Variants in SLC35A5 observed in about 807,000 individuals in gnomAD.
SLC35A5 encodes UDP-sugar transporter protein SLC35A5.
Under a neutral mutation model 36.3 loss-of-function variants are expected in SLC35A5, and 28 were observed. The observed-to-expected ratio is 0.77, with a 90% CI of 0.57 to 1.06. The LOEUF (loss-of-function observed/expected upper bound fraction) is 1.06, where lower values mean the gene tolerates loss of function less well. Ranked by LOEUF, SLC35A5 falls within the 50% of genes least tolerant of loss-of-function variation. The probability of loss-of-function intolerance (pLI) is 0.00; values close to 1 mark genes in which losing one functional copy is unlikely to be tolerated. For synonymous variants in SLC35A5, 180 were observed against 173.7 expected (o/e 1.04, Z -0.29); for missense variants, 521 against 499.3 (o/e 1.04, Z -0.41).
chr3:112,569,295 C>G (rs752629787), intron 3 of SLC35A5, 26 bp downstream of exon 3: 2 of 1,570,160 alleles, frequency 1.3e-6, no homozygotes, highest in Admixed American at 1.7e-5. Context: ...GTACTATATA[C>G]TTGTTAATCA....
chr3:112,580,034 A>G (rs1934833010), intron 5 of SLC35A5, among the ~76,000 whole-genome samples: 1 of 152,230 alleles, frequency 6.6e-6, no homozygotes, highest in Non-Finnish European at 1.5e-5. Flanking sequence ...CGATTAGGAC[A>G]TGGATCTAGA....
rs949599253 is a variant in SLC35A5 at position 112,572,164 on chromosome 3, G to C, written c.360+1494G>C. Reference sequence around the variant, plus strand: ...TCACCTTGTTAGCCAGGATGGTCTCGATCTCCTGACCTCATGATCCACCCG... The same window carrying C: ...TCACCTTGTTAGCCAGGATGGTCTCCATCTCCTGACCTCATGATCCACCCG... On this transcript the variant is annotated intron_variant, in intron 4 of 6. Transcript: ENST00000492406. Among the ~76,000 whole-genome samples the C allele has an allele frequency of 2.0e-5, 3 of 149,692 alleles. No individual in the cohort carries two copies. In the South Asian group the frequency reaches 6.4e-4, roughly 32 times the overall value.
rs936226261 is a variant in SLC35A5 at position 112,583,084 on chromosome 3, T to C, written c.*348T>C. The C allele has an allele frequency of 5.0e-5, 20 of 401,034 alleles. No homozygotes were observed. The highest frequency in any genetic ancestry group is 4.1e-4 in the African/African-American group (20 of 48,638). The allele number at this position is 401,034 out of a possible 1,614,324, so 24.8% of individuals were successfully genotyped here. ...CTTGTATATACACATAGAGATCAAT[T>C]TGCCAAATATTCACAATCATGTAGT... On this transcript the variant is annotated 3_prime_UTR_variant, in exon 7 of 7. Transcript: ENST00000492406.
chr3:112,580,513 A>C (rs748943736), intron 5 of SLC35A5, 33 bp from the exon 6 acceptor site: 25 of 1,553,156 alleles, frequency 1.6e-5, no homozygotes, highest in Admixed American at 1.0e-4. Flanking sequence ...GGGGGAAAAC[A>C]GTAGTAAAAT....
intron 5 of SLC35A5, among the ~76,000 whole-genome samples, chr3:112,579,135 A>C (rs1934785658): frequency 6.6e-6 from 1 of 152,208 alleles, no homozygotes. Context: ...ATATGCACAC[A>C]ACTTCCTATA....
Position 112,583,353 on chromosome 3 carries a change from A to C in SLC35A5, c.*617A>C, listed in dbSNP as rs1199490033. On this transcript the variant is annotated 3_prime_UTR_variant, in exon 7 of 7. Transcript: ENST00000492406. ...ACATCTCAGAATTTTAATTTTTAGA[A>C]ATTCATGGGAAATTGGATTTTTGTA... is the stretch of plus-strand genomic sequence containing the variant. 3 of 382,430 alleles carry C rather than the reference A, an allele frequency of 7.8e-6. No individual in the cohort carries two copies. Among genetic ancestry groups the C allele is most frequent in the Non-Finnish European group, 1.4e-5 (3 of 215,954 alleles). The allele number at this position is 382,430 out of a possible 1,614,324, so 23.7% of individuals were successfully genotyped here. A position where few individuals can be genotyped will look rare whatever the true frequency, so the allele number is the denominator to read the frequency against.
In SLC35A5 at chr3:112,581,166, T is replaced by C. The variant is rs527530245; in HGVS notation, c.1049T>C (p.Val350Ala). Reference sequence around the variant, plus strand: ...ATTATCACAACAGTGTCTGTCCTGGTCTTTGACTTCAGGCCCTCCCTGGAA... The same window carrying C: ...ATTATCACAACAGTGTCTGTCCTGGCCTTTGACTTCAGGCCCTCCCTGGAA... ...TVIITTVSVLVFDFRPSLEFF... is the reference protein window; with the variant it reads ...TVIITTVSVLAFDFRPSLEFF... The change falls in exon 6 of 7, where the codon GTC (valine) becomes GCC (alanine). Residue 350 changes from valine (V) to alanine (A), a missense_variant. Coordinates refer to ENST00000492406, the MANE Select transcript of SLC35A5 (RefSeq NM_017945.5). 6.2e-7 allele frequency: 1 copy of C among 1,614,020 alleles called. No homozygotes were observed. Among genetic ancestry groups the C allele is most frequent in the Non-Finnish European group, 8.5e-7 (1 of 1,179,954 alleles).
At chr3:112,564,790 G>A (rs904923914) in intron 2 of SLC35A5, among the ~76,000 whole-genome samples, 9 of 152,212 alleles carry the variant, frequency 5.9e-5, no homozygotes, top group Non-Finnish European at 1.2e-4. Context: ...AGATTAGGGA[G>A]TGGTGATGAC....
intron 3 of SLC35A5, among the ~76,000 whole-genome samples, chr3:112,570,278 GAGAAA>G (rs539781443): frequency 2.1e-3 from 326 of 151,682 alleles, no homozygotes; most frequent in Non-Finnish European, 2.9e-3. Context: ...ACAGCAGCAA[GAGAAA>G]CCACATATTT....
At chr3:112,561,866 T>C (rs1933905853), upstream of SLC35A5, 1 of 301,664 alleles carries the variant, frequency 3.3e-6, no homozygotes, top group African/African-American at 2.3e-5. Context: ...CTGCGAGCTG[T>C]CTGTCCTCGC....
In SLC35A5 at chr3:112,580,986, G is replaced by A. The variant is rs751173825; in HGVS notation, c.869G>A (p.Arg290His). 14 of 1,614,092 alleles carry A rather than the reference G, an allele frequency of 8.7e-6. No individual in the cohort carries two copies. The highest frequency in any genetic ancestry group is 4.5e-5 in the East Asian group (2 of 44,884). ...GLTLGLQRSNRDQIKNCGFFY... is the reference protein window; with the variant it reads ...GLTLGLQRSNHDQIKNCGFFY... Reference sequence around the variant, plus strand: ...ACTCTGGGCCTTCAGAGGAGTAACCGTGATCAGATTAAGAACTGTGGATTT... The same window carrying A: ...ACTCTGGGCCTTCAGAGGAGTAACCATGATCAGATTAAGAACTGTGGATTT... Residue 290 changes from arginine to histidine, a missense_variant, in exon 6 of 7, where the codon CGT (arginine) becomes CAT (histidine). Transcript: ENST00000492406.
At chr3:112,578,651 C>T (rs551167562) in intron 5 of SLC35A5, among the ~76,000 whole-genome samples, 103 of 152,268 alleles carry the variant, frequency 6.8e-4, no homozygotes, top group Middle Eastern at 3.4e-3. Flanking sequence ...TAATTTTTAG[C>T]TTAATCCTTA....
chr3:112,580,734 C>T lies in SLC35A5; in HGVS notation c.617C>T (p.Thr206Ile). 1.2e-6 allele frequency: 2 copies of T among 1,614,176 alleles called. No homozygotes were observed. Among genetic ancestry groups the T allele is most frequent in the Non-Finnish European group, 1.7e-6 (2 of 1,180,002 alleles). The change falls in exon 6 of 7, where the codon ACA (threonine) becomes ATA (isoleucine). Residue 206 changes from threonine (T) to isoleucine (I), a missense_variant. Physicochemically the swap from Thr to Ile is moderately conservative, Grantham distance 89. Coordinates refer to ENST00000492406, the MANE Select transcript of SLC35A5 (RefSeq NM_017945.5). ...GAGTGTCCCAGAAAAGACAATTGTACAGCAAAGGAATGGACTTTTCCTGAA... is the reference window on the plus strand; with the variant it reads ...GAGTGTCCCAGAAAAGACAATTGTATAGCAAAGGAATGGACTTTTCCTGAA... Reference protein sequence around the residue: ...RSECPRKDNCTAKEWTFPEAK... With the variant: ...RSECPRKDNCIAKEWTFPEAK...
At chr3:112,582,369 G>C (rs541278330) in intron 6 of SLC35A5, among the ~76,000 whole-genome samples, 29 of 152,146 alleles carry the variant, frequency 1.9e-4, no homozygotes, top group African/African-American at 6.7e-4. Context: ...ATCTATATAG[G>C]TAACAAGGCC....
At chr3:112,575,402 T>C (rs925716073) in intron 5 of SLC35A5, among the ~76,000 whole-genome samples, 1 of 152,184 alleles carries the variant, frequency 6.6e-6, no homozygotes, top group Non-Finnish European at 1.5e-5. Flanking sequence ...GTAGCTTTAG[T>C]CCTATCCTAT....
chr3:112,575,822 C>A (rs982175978), intron 5 of SLC35A5, among the ~76,000 whole-genome samples: 1 of 148,758 alleles, frequency 6.7e-6, no homozygotes, highest in Non-Finnish European at 1.5e-5. Context: ...TGCAGTGGCA[C>A]CGTCTTGGCT....
intron 1 of SLC35A5, among the ~76,000 whole-genome samples, 196 bp from the exon 2 acceptor site, chr3:112,563,189 T>C (rs1177487171): frequency 2.0e-5 from 3 of 152,274 alleles, no homozygotes; most frequent in African/African-American, 7.2e-5. Context: ...TTCTACGTTT[T>C]CTGTCTCCAG....
rs1444300807 is a variant in SLC35A5 at position 112,584,028 on chromosome 3, C to T, written c.*1292C>T. ...TCAGAAACTTACACATTTCTGCTCT[C>T]CTTTCTCCTAAGTTTCATGCAGATG... On this transcript the variant is annotated 3_prime_UTR_variant, in exon 7 of 7. Coordinates refer to ENST00000492406, the MANE Select transcript of SLC35A5 (RefSeq NM_017945.5). 2.0e-5 allele frequency: 3 copies of T among 152,086 alleles called. No homozygotes were observed. The highest frequency in any genetic ancestry group is 7.2e-5 in the African/African-American group (3 of 41,410). The allele number at this position is 152,086 out of a possible 1,614,324, so 9.4% of individuals were successfully genotyped here.
chr3:112,569,212 T>C lies in SLC35A5; in HGVS notation c.172T>C (p.Ser58Pro), dbSNP rs1184546668. The C allele has an allele frequency of 6.2e-7, 1 of 1,613,982 alleles. No individual in the cohort carries two copies. Among genetic ancestry groups the C allele is most frequent in the Admixed American group, 1.7e-5 (1 of 60,012 alleles). ...DYLPTTVNVCSELVKLVFCVL... is the reference protein window; with the variant it reads ...DYLPTTVNVCPELVKLVFCVL... The stretch of plus-strand genomic sequence containing the variant: ...TCTTCCAACTACTGTGAATGTGTGC[T>C]CAGAACTGGTGAAGCTAGTTTTCTG... Residue 58 changes from serine to proline, a missense_variant, in exon 3 of 7, where the codon TCA becomes CCA. Physicochemically the swap from Ser to Pro is moderately conservative, Grantham distance 74. Coordinates refer to ENST00000492406, the MANE Select transcript of SLC35A5 (RefSeq NM_017945.5).
Sources: gnomAD v4.1 joint callset for allele counts (sites outside exome capture counted in the v4.1 genomes callset) on GRCh38, gnomAD v4.1.1 for gene constraint, MANE v1.5 for transcripts, NCBI Gene and HGNC (gene_info 2026-07-23, HGNC 2026-07-21) for gene names.